Variants in SORCS3 observed in about 807,000 individuals in gnomAD.
The protein encoded by SORCS3 is VPS10 domain-containing receptor SorCS3.
A neutral mutation model predicts 146.3 loss-of-function variants in SORCS3; 57 were observed. The ratio of observed to expected loss-of-function variants is 0.39; its 90% CI spans 0.31 to 0.49. The LOEUF is 0.49. Ranked by LOEUF, SORCS3 falls within the 20% of genes least tolerant of loss-of-function variation. The probability of loss-of-function intolerance (pLI) is 0.92; values close to 1 mark genes in which losing one functional copy is unlikely to be tolerated. For synonymous variants in SORCS3, 653 were observed against 618.5 expected, an observed-to-expected ratio of 1.06 and a Z score of -0.83; for missense variants, 1,341 against 1,575.5, an observed-to-expected ratio of 0.85 and a Z score of 2.52.
intron 1 of SORCS3, among the ~76,000 whole-genome samples, chr10:104,704,515 G>T (rs900279502): frequency 7.9e-5 from 12 of 152,128 alleles, no homozygotes; most frequent in African/African-American, 2.9e-4. Context: ...TACAGAGGGA[G>T]ATCTTTGGGT....
intron 1 of SORCS3, among the ~76,000 whole-genome samples, chr10:104,790,019 C>T (rs1301565302): frequency 6.6e-6 from 1 of 152,212 alleles, no homozygotes; most frequent in South Asian, 2.1e-4. Context: ...CAGTAACTAA[C>T]CTATACAGGG....
At chr10:105,052,781 A>G (rs1395783055) in intron 5 of SORCS3, among the ~76,000 whole-genome samples, 1 of 152,042 alleles carries the variant, frequency 6.6e-6, no homozygotes, top group Non-Finnish European at 1.5e-5. Flanking sequence ...CCAAGGAGAA[A>G]GTACCAAATT....
intron 4 of SORCS3, 152 bp downstream of exon 4, chr10:104,977,645 T>C: frequency 1.5e-6 from 1 of 666,428 alleles, no homozygotes; most frequent in South Asian, 2.6e-5. Context: ...CTGCAGCAAC[T>C]AACTTTCCTT....
chr10:104,795,851 C>T (rs2017548907), intron 1 of SORCS3, among the ~76,000 whole-genome samples: 1 of 152,206 alleles, frequency 6.6e-6, no homozygotes, highest in Non-Finnish European at 1.5e-5. Flanking sequence ...ATTTGATTCC[C>T]ACTGACTTGA....
chr10:104,995,846 C>T (rs1361529606), intron 4 of SORCS3, among the ~76,000 whole-genome samples: 2 of 152,018 alleles, frequency 1.3e-5, no homozygotes, highest in Admixed American at 1.3e-4. Flanking sequence ...TTACAATTAT[C>T]TTTTTATTTT....
intron 1 of SORCS3, among the ~76,000 whole-genome samples, chr10:104,733,706 C>A (rs139346444): frequency 6.6e-6 from 1 of 152,214 alleles, no homozygotes; most frequent in East Asian, 1.9e-4. Context: ...TTTCCCTCAG[C>A]TTTCCTCTGG....
At chr10:104,830,734 T>C (rs547991486) in intron 1 of SORCS3, among the ~76,000 whole-genome samples, 1 of 152,330 alleles carries the variant, frequency 6.6e-6, no homozygotes, top group Admixed American at 6.5e-5. Context: ...ACAGCCTACT[T>C]CTTTGGCTAT....
intron 3 of SORCS3, among the ~76,000 whole-genome samples, chr10:104,922,804 G>C (rs1249650095): frequency 2.6e-5 from 4 of 152,180 alleles, no homozygotes; most frequent in African/African-American, 4.8e-5. Flanking sequence ...CAGGTGAAAA[G>C]TTGGTATTTG....
chr10:105,112,687 G>A (rs1467349881), intron 7 of SORCS3, among the ~76,000 whole-genome samples: 5 of 152,136 alleles, frequency 3.3e-5, no homozygotes, highest in African/African-American at 7.2e-5. Flanking sequence ...AGGGAGTAGC[G>A]CCAAGGCAGA....
intron 3 of SORCS3, among the ~76,000 whole-genome samples, chr10:104,923,330 T>TGGCCAAGCCCTTAGGAAGTGTAATCC (rs2019106958): frequency 2.0e-5 from 3 of 152,356 alleles, no homozygotes; most frequent in Admixed American, 2.0e-4. Context: ...ACATGTTGGC[T>TGGCCAAGCCCTTAGGAAGTGTAATCC]GGCCAAGCCC....
chr10:104,756,657 G>C (rs573707496), intron 1 of SORCS3, among the ~76,000 whole-genome samples: 7 of 152,346 alleles, frequency 4.6e-5, no homozygotes, highest in African/African-American at 1.7e-4. Context: ...GCAAGGGGCA[G>C]AACCTGGAAG....
At position 104,696,752 on chromosome 10, in the gene SORCS3, G is replaced by A. The variant is rs1255405693; in HGVS notation, c.627+54798G>A. Among the ~76,000 whole-genome samples the A allele has an allele frequency of 9.9e-5, 11 of 110,670 alleles. No individual in the cohort carries two copies. In the South Asian group the frequency reaches 1.0e-3, roughly 10 times the overall value. 72.6% of individuals were successfully genotyped at this position (110,670 alleles called of 152,430 possible). On this transcript the variant is annotated intron_variant, in intron 1 of 26. Transcript: ENST00000369701. ...ATAATATATAATATATATTATATAC[G>A]TATATATAATATATATAATATATAT...
intron 9 of SORCS3, among the ~76,000 whole-genome samples, chr10:105,151,653 G>A (rs1224278512): frequency 6.6e-6 from 1 of 152,004 alleles, no homozygotes; most frequent in Non-Finnish European, 1.5e-5. Context: ...GAACTTATTT[G>A]GAAATTCCCC....
chr10:104,830,868 G>A (rs2017993051), intron 1 of SORCS3, among the ~76,000 whole-genome samples: 1 of 152,134 alleles, frequency 6.6e-6, no homozygotes, highest in Non-Finnish European at 1.5e-5. Flanking sequence ...CTGGAGTGCA[G>A]TGGTGCGAAT....
rs2056081920 is a variant in SORCS3 at position 105,139,624 on chromosome 10, T to A, written c.1302+138T>A. ...TTAGACTCACTCACCACCAAGTCGTTTGGCCTCCCTTAGTGGTGCACAACC... is the reference window on the plus strand; with the variant it reads ...TTAGACTCACTCACCACCAAGTCGTATGGCCTCCCTTAGTGGTGCACAACC... On this transcript the variant is annotated intron_variant, in intron 8 of 26. Transcript: ENST00000369701. 10 of 625,396 alleles carry A rather than the reference T, an allele frequency of 1.6e-5. No individual in the cohort carries two copies. In the Admixed American group the frequency reaches 1.8e-4, roughly 11 times the overall value. The allele number at this position is 625,396 out of a possible 1,614,324, so 38.7% of individuals were successfully genotyped here.
chr10:105,237,194 GTGGTT>G (rs2056797598), intron 20 of SORCS3, among the ~76,000 whole-genome samples: 1 of 152,140 alleles, frequency 6.6e-6, no homozygotes, highest in African/African-American at 2.4e-5. Flanking sequence ...GTAGAATGGA[GTGGTT>G]GCAGAACAAG....
At chr10:105,182,702 G>T (rs867171341) in intron 14 of SORCS3, among the ~76,000 whole-genome samples, 5 of 152,018 alleles carry the variant, frequency 3.3e-5, no homozygotes, top group African/African-American at 1.2e-4. Context: ...TGTTGATGTT[G>T]TTTGTTTGTT....
At chr10:104,648,698 A>G (rs531537881) in intron 1 of SORCS3, among the ~76,000 whole-genome samples, 71 of 152,366 alleles carry the variant, frequency 4.7e-4, no homozygotes, top group African/African-American at 1.6e-3. Flanking sequence ...CATCACAACC[A>G]GGAATATTTT....
chr10:104,726,133 A>G (rs1489253756), intron 1 of SORCS3, among the ~76,000 whole-genome samples: 2 of 152,150 alleles, frequency 1.3e-5, no homozygotes, highest in Non-Finnish European at 2.9e-5. Flanking sequence ...CAGTCTGCTC[A>G]TAGGTCTTTA....
Sources: allele counts gnomAD v4.1 joint callset (sites outside exome capture counted in the v4.1 genomes callset), GRCh38; gene constraint gnomAD v4.1.1; transcripts MANE v1.5; gene names NCBI Gene and HGNC (gene_info 2026-07-23, HGNC 2026-07-21).